SCNN1B: variants seen among roughly 807,000 people sequenced by gnomAD.
The protein encoded by SCNN1B is sodium channel epithelial 1 subunit beta, also known as epithelial sodium channel subunit beta.
A neutral mutation model predicts 65.3 loss-of-function variants in SCNN1B; 46 were observed. The observed-to-expected ratio is 0.70, with a 90% confidence interval of 0.56 to 0.90. The LOEUF is 0.90. SCNN1B is among the 40% of genes least tolerant of loss of function. The probability of loss-of-function intolerance (pLI) is 0.00; values close to 1 mark genes in which losing one functional copy is unlikely to be tolerated. For synonymous variants in SCNN1B, 349 were observed against 330.6 expected, an observed-to-expected ratio of 1.06 and a Z score of -0.60; for missense variants, 751 against 830.5, an observed-to-expected ratio of 0.90 and a Z score of 1.18.
At chr16:23,300,959 A>C (rs952127271), upstream of SCNN1B, among the ~76,000 whole-genome samples, 3 of 152,080 alleles carry the variant, frequency 2.0e-5, no homozygotes, top group Non-Finnish European at 2.9e-5. Flanking sequence ...AAGTATCATT[A>C]TATAAACAAA....
In SCNN1B at chr16:23,355,412, G is replaced by C. The variant is rs185554955; in HGVS notation, c.699G>C (p.Gln233His). ...ACATCTTTGCACAGGTGCCACAGCA[G>C]GAGCTAGTAGAGATGAGCTACCCCG... The part of the protein sequence containing the change: ...ATNIFAQVPQ[Q>H]ELVEMSYPGE... The change falls in exon 4 of 13, where the codon CAG becomes CAC. Residue 233 changes from glutamine to histidine, a missense_variant. Physicochemically the swap from Gln to His is conservative, Grantham distance 24. Transcript: ENST00000343070. 49 of 1,614,202 alleles carry C rather than the reference G, an allele frequency of 3.0e-5. 1 individual carries two copies. The Admixed American group carries it at 8.2e-4, about 27-fold the overall frequency.
intron 4 of SCNN1B, among the ~76,000 whole-genome samples, chr16:23,366,511 A>T (rs1225411096): frequency 6.6e-6 from 1 of 151,818 alleles, no homozygotes; most frequent in African/African-American, 2.4e-5. Flanking sequence ...AGGTGTGGGG[A>T]TCACCCGAGG....
intron 1 of SCNN1B, among the ~76,000 whole-genome samples, chr16:23,312,340 G>A (rs948290076): frequency 1.3e-5 from 2 of 152,164 alleles, no homozygotes; most frequent in Admixed American, 6.6e-5. Flanking sequence ...AGGACAGGCT[G>A]TTTGTTTAAC....
Position 23,377,268 on chromosome 16 carries a change from C to T in SCNN1B, c.1346+28C>T, listed in dbSNP as rs61759922. The stretch of plus-strand genomic sequence containing the variant: ...GAGTGCGGGTGGGCGGGCACAGCAG[C>T]GGGCAGGCATGGAGGGGCATCACTG... On this transcript the variant is annotated intron_variant, in intron 9 of 12. Coordinates refer to ENST00000343070, the MANE Select transcript of SCNN1B (RefSeq NM_000336.3). 8.3e-4 allele frequency: 1,339 copies of T among 1,613,924 alleles called. 12 individuals carry two copies. In the African/African-American group the frequency reaches 0.015, roughly 18 times the overall value.
intron 1 of SCNN1B, among the ~76,000 whole-genome samples, chr16:23,306,222 G>T (rs1371884483): frequency 2.0e-5 from 3 of 149,238 alleles, no homozygotes; most frequent in Non-Finnish European, 3.0e-5. Flanking sequence ...TAGCCTGGGA[G>T]ACAAGAGTGA....
chr16:23,332,931 G>C (rs1289102828), intron 1 of SCNN1B, among the ~76,000 whole-genome samples: 1 of 152,080 alleles, frequency 6.6e-6, no homozygotes, highest in East Asian at 1.9e-4. Flanking sequence ...TTAGCTGGAC[G>C]CGGCGGCAGG....
At chr16:23,300,162 A>T (rs1473268418), upstream of SCNN1B, among the ~76,000 whole-genome samples, 1 of 152,110 alleles carries the variant, frequency 6.6e-6, no homozygotes, top group African/African-American at 2.4e-5. Context: ...GGACACAGGG[A>T]GGGGAGCATC....
At position 23,348,649 on chromosome 16, in the gene SCNN1B, GCC is replaced by G; in HGVS notation, c.53_54del (p.Pro18ArgfsTer26). 6.2e-7 allele frequency: 1 copy of G among 1,613,608 alleles called. No individual in the cohort carries two copies. Among genetic ancestry groups the G allele is most frequent in the Non-Finnish European group, 8.5e-7 (1 of 1,179,972 alleles). ...AAGGGCCTGCATCGGCTGCAGAAGG[GCC>G]CCGGCTACACGTACAAGGAGCTGCT... is the stretch of plus-strand genomic sequence containing the variant. On this transcript the variant is annotated frameshift_variant, in exon 2 of 13. Transcript: ENST00000343070. LOFTEE classifies it high-confidence loss of function. The surrounding 1 kb of genome is among the most constrained non-coding windows in gnomAD (Gnocchi z 4.5).
intron 4 of SCNN1B, among the ~76,000 whole-genome samples, chr16:23,355,764 T>A (rs1349939194): frequency 6.6e-6 from 1 of 151,706 alleles, no homozygotes; most frequent in Non-Finnish European, 1.5e-5. Flanking sequence ...ATTTGGAACA[T>A]GTAGGAAAAG....
intron 2 of SCNN1B, among the ~76,000 whole-genome samples, chr16:23,297,006 A>AAAG (rs997330164): frequency 3.4e-5 from 5 of 147,806 alleles, no homozygotes; most frequent in African/African-American, 1.3e-4. Flanking sequence ...AAAAAAAAAA[A>AAAG]AGAGAGAGAG....
chr16:23,365,625 AAAG>A (rs1962653254), intron 4 of SCNN1B, among the ~76,000 whole-genome samples: 1 of 140,098 alleles, frequency 7.1e-6, no homozygotes, highest in African/African-American at 2.6e-5. Flanking sequence ...AAGAAAAAAG[AAAG>A]AAGTCACATC....
intron 1 of SCNN1B, among the ~76,000 whole-genome samples, chr16:23,282,554 G>C (rs1414292140): frequency 6.6e-6 from 1 of 152,146 alleles, no homozygotes; most frequent in Non-Finnish European, 1.5e-5. Flanking sequence ...ATCATGAGTT[G>C]AAAATATCTT....
chr16:23,348,354 C>G lies in SCNN1B; in HGVS notation c.-8-238C>G, dbSNP rs1333232348. Among the ~76,000 whole-genome samples, 2 of 151,284 alleles carry G rather than the reference C, an allele frequency of 1.3e-5. No individual in the cohort carries two copies. Among genetic ancestry groups the G allele is most frequent in the African/African-American group, 4.9e-5 (2 of 41,072 alleles). Reference sequence around the variant, plus strand: ...TGAGTCCAGAAGGACCATTTGAGTGCCTGGCATATAGTAGGCATTCAATAA... The same window carrying G: ...TGAGTCCAGAAGGACCATTTGAGTGGCTGGCATATAGTAGGCATTCAATAA... On this transcript the variant is annotated intron_variant, in intron 1 of 12. Coordinates refer to ENST00000343070, the MANE Select transcript of SCNN1B (RefSeq NM_000336.3). The surrounding 1 kb of genome is among the most constrained non-coding windows in gnomAD (Gnocchi z 4.5).
Position 23,381,265 on chromosome 16 carries a change from A to G in SCNN1B, c.*464A>G, listed in dbSNP as rs1272357413. On this transcript the variant is annotated 3_prime_UTR_variant, in exon 13 of 13. Transcript: ENST00000343070. ...GACCCTGCCAAGTGGCACCTGATTT[A>G]CTCTAGAAAATAAAAGTAGAAAATA... The G allele has an allele frequency of 5.5e-6, 1 of 181,806 alleles. No homozygotes were observed. The highest frequency in any genetic ancestry group is 1.2e-5 in the Non-Finnish European group (1 of 85,866). 11.3% of individuals were successfully genotyped at this position (181,806 alleles called of 1,614,324 possible).
intron 2 of SCNN1B, among the ~76,000 whole-genome samples, chr16:23,296,112 CGGGCTGA>C (rs1238238785): frequency 6.6e-6 from 1 of 151,886 alleles, no homozygotes; most frequent in African/African-American, 2.4e-5. Context: ...AAGGAGAAGT[CGGGCTGA>C]AGGAGAAGTC....
At chr16:23,343,752 A>G (rs992646727) in intron 1 of SCNN1B, among the ~76,000 whole-genome samples, 3 of 152,128 alleles carry the variant, frequency 2.0e-5, no homozygotes, top group Non-Finnish European at 4.4e-5. Flanking sequence ...GTTCAGGGCC[A>G]ATGTATAGTC....
chr16:23,355,087 G>A (rs922558110), intron 3 of SCNN1B, among the ~76,000 whole-genome samples: 3 of 152,174 alleles, frequency 2.0e-5, no homozygotes, highest in Non-Finnish European at 2.9e-5. Context: ...CCAGCCTGAT[G>A]AGGGGATCTT....
At chr16:23,360,184 C>T (rs1468904522) in intron 4 of SCNN1B, among the ~76,000 whole-genome samples, 5 of 132,914 alleles carry the variant, frequency 3.8e-5, no homozygotes, top group East Asian at 2.1e-4. Context: ...GGAGAGAGAG[C>T]GAGACTCCAT....
intron 1 of SCNN1B, among the ~76,000 whole-genome samples, chr16:23,308,922 GCT>G (rs1411648187): frequency 1.3e-5 from 2 of 152,128 alleles, no homozygotes; most frequent in African/African-American, 2.4e-5. Context: ...ATTTTAATAA[GCT>G]CTCTTAGTGA....
Sources: allele counts gnomAD v4.1 joint callset (sites outside exome capture counted in the v4.1 genomes callset), GRCh38; gene constraint gnomAD v4.1.1; non-coding constraint Gnocchi (gnomAD v3.1); transcripts MANE v1.5; gene names NCBI Gene and HGNC (gene_info 2026-07-23, HGNC 2026-07-21).